The following CACNA1D variants were observed in gnomAD, a reference collection of about 807,000 sequenced individuals.
The protein encoded by CACNA1D is voltage-dependent L-type calcium channel subunit alpha-1D.
In CACNA1D, 55 loss-of-function variants were observed where a neutral mutation model predicts 257.1. The ratio of observed to expected loss-of-function variants is 0.21; its 90% CI spans 0.17 to 0.27. The LOEUF (loss-of-function observed/expected upper bound fraction) is 0.27, where lower values mean the gene tolerates loss of function less well. Ranked by LOEUF, CACNA1D falls within the 10% of genes least tolerant of loss-of-function variation. CACNA1D has a pLI of 1.00. For missense variants in CACNA1D, 1,876 were observed against 2,784.0 expected (o/e 0.67, Z 7.34); for synonymous variants, 980 against 1,014.9 (o/e 0.97, Z 0.65).
At chr3:53,780,231 C>G (rs2095418828) in intron 38 of CACNA1D, 103 bp downstream of exon 38, 1 of 936,326 alleles carries the variant, frequency 1.1e-6, no homozygotes, top group African/African-American at 1.6e-5. Flanking sequence ...AAGGGGAGGC[C>G]CTGGGGAAGG....
In CACNA1D at chr3:53,772,912, A is replaced by G. The variant is rs369242779; in HGVS notation, c.4110+14A>G. On this transcript the variant is annotated intron_variant, in intron 33 of 47. Transcript: ENST00000350061. ...ATTGGCATGCAGGTAAGCTCCAGCC[A>G]TCTCGCCCTCAGGGGCCCTTTCACT... 105 of 1,612,270 alleles carry G rather than the reference A, an allele frequency of 6.5e-5. No homozygotes were observed. Among genetic ancestry groups the G allele is most frequent in the Non-Finnish European group, 8.8e-5 (104 of 1,178,296 alleles).
Position 53,774,714 on chromosome 3 carries a change from G to C in CACNA1D, c.4202+36G>C. Reference sequence around the variant, plus strand: ...CTGGCTTGGGCGGTGCTCCTGGGCAGGGGGGTCCGCTAGGCGTGGGTCCAG... The same window carrying C: ...CTGGCTTGGGCGGTGCTCCTGGGCACGGGGGTCCGCTAGGCGTGGGTCCAG... On this transcript the variant is annotated intron_variant, in intron 34 of 47. Transcript: ENST00000350061. The surrounding 1 kb of genome is among the most constrained non-coding windows in gnomAD (Gnocchi z 4.3). The C allele has an allele frequency of 3.2e-6, 4 of 1,266,722 alleles. No homozygotes were observed. The highest frequency in any genetic ancestry group is 2.3e-6 in the Non-Finnish European group (2 of 863,214). 78.5% of individuals were successfully genotyped at this position (1,266,722 alleles called of 1,614,324 possible).
At chr3:53,804,090 T>G (rs1271902178) in intron 44 of CACNA1D, among the ~76,000 whole-genome samples, 3 of 152,114 alleles carry the variant, frequency 2.0e-5, no homozygotes, top group Non-Finnish European at 2.9e-5. Flanking sequence ...ACAGAAAGAA[T>G]GTTTGTTAGT....
intron 40 of CACNA1D, among the ~76,000 whole-genome samples, chr3:53,788,564 T>G (rs1487054950): frequency 6.6e-6 from 1 of 152,210 alleles, no homozygotes; most frequent in Non-Finnish European, 1.5e-5. Flanking sequence ...CATCCATCCT[T>G]GAGGGCAGCG....
intron 2 of CACNA1D, among the ~76,000 whole-genome samples, chr3:53,500,432 CAA>C (rs34272886): frequency 0.089 from 10,072 of 112,954 alleles, 318 homozygotes; most frequent in Middle Eastern, 0.12. Context: ...GACCCCATCT[CAA>C]AAAAAAAAAA....
chr3:53,735,906 A>T (rs541045402), intron 20 of CACNA1D, among the ~76,000 whole-genome samples: 1 of 152,208 alleles, frequency 6.6e-6, no homozygotes, highest in African/African-American at 2.4e-5. Flanking sequence ...GGCACACCAC[A>T]TGCCCAGGCT....
intron 3 of CACNA1D, among the ~76,000 whole-genome samples, chr3:53,562,841 C>T (rs940792564): frequency 7.2e-5 from 11 of 152,170 alleles, no homozygotes; most frequent in African/African-American, 2.2e-4. Context: ...TGTATGAACA[C>T]ATCCCATCCC....
At chr3:53,722,602 T>A in intron 12 of CACNA1D, 128 bp downstream of exon 12, 1 of 993,386 alleles carries the variant, frequency 1.0e-6, no homozygotes, top group Non-Finnish European at 1.6e-6. Flanking sequence ...ACAAACTTGG[T>A]AGAACCATCC....
At chr3:53,783,929 A>C (rs1198372664) in intron 39 of CACNA1D, among the ~76,000 whole-genome samples, 1 of 152,096 alleles carries the variant, frequency 6.6e-6, no homozygotes, top group Non-Finnish European at 1.5e-5. Flanking sequence ...GCCAGCCTCC[A>C]CTCCAAGTGG....
At chr3:53,615,949 A>G (rs564021611) in intron 3 of CACNA1D, among the ~76,000 whole-genome samples, 1 of 152,268 alleles carries the variant, frequency 6.6e-6, no homozygotes, top group Admixed American at 6.5e-5. Context: ...CTGGCCTGTC[A>G]GTTCTCATAC....
At chr3:53,622,452 C>T (rs2093707140) in intron 3 of CACNA1D, among the ~76,000 whole-genome samples, 1 of 152,176 alleles carries the variant, frequency 6.6e-6, no homozygotes, top group South Asian at 2.1e-4. Context: ...TTAAAAAGAA[C>T]AAGATCATGC....
chr3:53,731,802 G>C (rs765209348), intron 17 of CACNA1D, among the ~76,000 whole-genome samples: 9 of 152,190 alleles, frequency 5.9e-5, no homozygotes, highest in African/African-American at 9.7e-5. Context: ...ACCACGACTG[G>C]GTCAGGGTTC....
At chr3:53,699,037 G>A (rs953999537) in intron 8 of CACNA1D, among the ~76,000 whole-genome samples, 6 of 152,186 alleles carry the variant, frequency 3.9e-5, no homozygotes, top group Non-Finnish European at 8.8e-5. Flanking sequence ...GCAAAGTGGA[G>A]TAACTTTTTT....
At chr3:53,507,072 C>CAAAAAAAAAAAAAA (rs781421977) in intron 3 of CACNA1D, among the ~76,000 whole-genome samples, 4 of 56,682 alleles carry the variant, frequency 7.1e-5, no homozygotes, top group Non-Finnish European at 6.7e-5. Flanking sequence ...GACTCTATCT[C>CAAAAAAAAAAAAAA]AAAAAAAAAA....
At chr3:53,587,703 T>G (rs1364698272) in intron 3 of CACNA1D, among the ~76,000 whole-genome samples, 1 of 152,176 alleles carries the variant, frequency 6.6e-6, no homozygotes, top group African/African-American at 2.4e-5. Context: ...TGAGGGGATT[T>G]ATAAACTCAA....
rs2092815115 is a variant in CACNA1D at position 53,565,337 on chromosome 3, C to T, written c.483+63617C>T. On this transcript the variant is annotated intron_variant, in intron 3 of 47. Coordinates refer to ENST00000350061, the MANE Select transcript of CACNA1D (RefSeq NM_001128840.3). ...GGATAATTTTTGACTGTAACACACA[C>T]ACACACACACGTACACACATGCATA... Among the ~76,000 whole-genome samples the T allele has an allele frequency of 2.0e-5, 3 of 152,286 alleles. No individual in the cohort carries two copies. In the South Asian group the frequency reaches 6.2e-4, roughly 32 times the overall value.
At chr3:53,684,814 A>G (rs1417864691) in intron 8 of CACNA1D, among the ~76,000 whole-genome samples, 1 of 152,168 alleles carries the variant, frequency 6.6e-6, no homozygotes, top group Non-Finnish European at 1.5e-5. Context: ...CACTGTGATA[A>G]AGTTACTACA....
chr3:53,719,553 C>T (rs749656127), intron 10 of CACNA1D, among the ~76,000 whole-genome samples: 1 of 152,154 alleles, frequency 6.6e-6, no homozygotes, highest in Non-Finnish European at 1.5e-5. Context: ...ACCTGGGCCT[C>T]GAGGGTGCTC....
At chr3:53,644,085 A>AT (rs1559459442) in intron 3 of CACNA1D, among the ~76,000 whole-genome samples, 1 of 152,200 alleles carries the variant, frequency 6.6e-6, no homozygotes, top group African/African-American at 2.4e-5. Context: ...CGGAATATCT[A>AT]TTTTTGTGAC....
Sources: allele counts gnomAD v4.1 joint callset (sites outside exome capture counted in the v4.1 genomes callset), GRCh38; gene constraint gnomAD v4.1.1; non-coding constraint Gnocchi (gnomAD v3.1); transcripts MANE v1.5; gene names NCBI Gene and HGNC (gene_info 2026-07-23, HGNC 2026-07-21).